The following GPNMB variants were observed in gnomAD, a reference collection of about 807,000 sequenced individuals.
GPNMB encodes glycoprotein nmb, also known as transmembrane glycoprotein NMB.
Under a neutral mutation model 57.3 loss-of-function variants are expected in GPNMB, and 71 were observed. The observed-to-expected ratio is 1.24, with a 90% confidence interval of 1.02 to 1.51. The LOEUF is 1.51. Ranked by LOEUF, GPNMB falls within the 40% of genes most tolerant of loss-of-function variation. GPNMB has a pLI of 0.00. For synonymous variants in GPNMB, 253 were observed against 263.2 expected (o/e 0.96, Z 0.38); for missense variants, 677 against 691.9 (o/e 0.98, Z 0.24).
chr7:23,246,973 G>T (rs1377921803), intron 1 of GPNMB, 46 bp downstream of exon 1: 1 of 1,357,284 alleles, frequency 7.4e-7, no homozygotes, highest in Non-Finnish European at 1.1e-6. Context: ...TCTGGCCATT[G>T]GCTGAAATGA....
At chr7:23,255,099 G>C (rs1782744845) in intron 3 of GPNMB, among the ~76,000 whole-genome samples, 2 of 152,114 alleles carry the variant, frequency 1.3e-5, no homozygotes, top group African/African-American at 4.8e-5. Context: ...GTTCACTGCA[G>C]TCTTTGCCTC....
At chr7:23,252,950 T>TG (rs1445594642) in intron 1 of GPNMB, among the ~76,000 whole-genome samples, 1 of 151,626 alleles carries the variant, frequency 6.6e-6, no homozygotes, top group Non-Finnish European at 1.5e-5. Flanking sequence ...TAGTTCAGAA[T>TG]GGGAAAAAAA....
At chr7:23,263,920 C>T (rs1232348715) in intron 6 of GPNMB, among the ~76,000 whole-genome samples, 3 of 151,822 alleles carry the variant, frequency 2.0e-5, no homozygotes, top group African/African-American at 2.4e-5. Context: ...AATGCACAGC[C>T]GAAAATAGAA....
chr7:23,254,197 T>C lies in GPNMB; in HGVS notation c.252T>C (p.Ser84=). 6.2e-7 allele frequency: 1 copy of C among 1,614,146 alleles called. No homozygotes were observed. Among genetic ancestry groups the C allele is most frequent in the Non-Finnish European group, 8.5e-7 (1 of 1,179,992 alleles). ...GCCGTGTGCAGGCGGTCCTGACCAG[T>C]GACTCACCAGCCCTCGTGGGCTCAA... ...KGGRVQAVLT[S]DSPALVGSNI... is the part of the protein sequence containing the mutation. The change falls in exon 3 of 11, where the codon AGT becomes AGC. Residue 84 remains serine (S), a synonymous_variant. Transcript: ENST00000258733.
chr7:23,270,698 C>T (rs1783183118), intron 9 of GPNMB, among the ~76,000 whole-genome samples: 1 of 152,194 alleles, frequency 6.6e-6, no homozygotes, highest in Non-Finnish European at 1.5e-5. Flanking sequence ...CATTACAGAA[C>T]ACAGTAAGAA....
At chr7:23,247,052 C>T in intron 1 of GPNMB, 125 bp downstream of exon 1, 1 of 739,328 alleles carries the variant, frequency 1.4e-6, no homozygotes, top group Non-Finnish European at 2.4e-6. Context: ...CTCTGGCTCA[C>T]TCATCTCTTC....
At chr7:23,263,137 TG>T (rs1298110980) in intron 6 of GPNMB, among the ~76,000 whole-genome samples, 1 of 152,190 alleles carries the variant, frequency 6.6e-6, no homozygotes, top group African/African-American at 2.4e-5. Context: ...AGTTCCAGAA[TG>T]GTAAAAGACT....
In GPNMB at chr7:23,260,149, TGA is replaced by T; in HGVS notation, c.700+12_700+13del. ...TGTACGTGGTAACAGGTGAGTGGTG[TGA>T]ACTCTAACTGAGGATGAGGCACTTC... On this transcript the variant is annotated intron_variant, in intron 5 of 10. Transcript: ENST00000258733. 6.2e-7 allele frequency: 1 copy of T among 1,613,244 alleles called. No homozygotes were observed. The highest frequency in any genetic ancestry group is 8.5e-7 in the Non-Finnish European group (1 of 1,179,266).
At position 23,272,431 on chromosome 7, in the gene GPNMB, C is replaced by G. The variant is rs76666854; in HGVS notation, c.1430-1090C>G. Among the ~76,000 whole-genome samples the G allele has an allele frequency of 7.1e-3, 1,076 of 151,742 alleles. 13 individuals are homozygous for G. The highest frequency in any genetic ancestry group is 0.025 in the African/African-American group (1,021 of 41,326). ...GATCCCTTGAGCCCAGAAGTCCAGC[C>G]TGGGCAGCACAGCAAAACCCTGTCT... On this transcript the variant is annotated intron_variant, in intron 9 of 10. Transcript: ENST00000258733.
intron 3 of GPNMB, among the ~76,000 whole-genome samples, chr7:23,256,488 G>A (rs1270412919): frequency 4.6e-5 from 7 of 152,132 alleles, no homozygotes; most frequent in African/African-American, 7.2e-5. Flanking sequence ...TTAGACATGT[G>A]TGCCGGAGTC....
rs1782724759 is a variant in GPNMB, at chr7:23,254,226, T to C, written c.281T>C (p.Ile94Thr). The C allele has an allele frequency of 6.2e-7, 1 of 1,614,020 alleles. No individual in the cohort carries two copies. Among genetic ancestry groups the C allele is most frequent in the Non-Finnish European group, 8.5e-7 (1 of 1,179,918 alleles). Residue 94 changes from isoleucine to threonine, a missense_variant, in exon 3 of 11, where the codon ATA (isoleucine) becomes ACA (threonine). Transcript: ENST00000258733. Reference sequence around the variant, plus strand: ...TCACCAGCCCTCGTGGGCTCAAATATAACATTTGCGGTGAACCTGATATTC... The same window carrying C: ...TCACCAGCCCTCGTGGGCTCAAATACAACATTTGCGGTGAACCTGATATTC... The part of the protein sequence containing the change: ...SDSPALVGSN[I>T]TFAVNLIFPR...
intron 3 of GPNMB, among the ~76,000 whole-genome samples, chr7:23,255,510 C>T (rs1488742937): frequency 6.6e-6 from 1 of 152,172 alleles, no homozygotes; most frequent in East Asian, 1.9e-4. Flanking sequence ...ACTGCTGCAA[C>T]ACAGGAATAC....
intron 3 of GPNMB, among the ~76,000 whole-genome samples, chr7:23,255,154 G>T (rs1371392847): frequency 6.6e-6 from 1 of 152,100 alleles, no homozygotes; most frequent in South Asian, 2.1e-4. Context: ...AAGTAGCTGG[G>T]ATTACAGGCA....
At chr7:23,248,965 G>A (rs1355612857) in intron 1 of GPNMB, among the ~76,000 whole-genome samples, 4 of 152,034 alleles carry the variant, frequency 2.6e-5, no homozygotes. Context: ...TGTATTTTTT[G>A]TAGAAATGGG....
intron 9 of GPNMB, among the ~76,000 whole-genome samples, chr7:23,272,186 T>G (rs1449349324): frequency 2.0e-5 from 3 of 152,264 alleles, no homozygotes; most frequent in Non-Finnish European, 4.4e-5. Context: ...CTTTAGAGTC[T>G]TAATTCATTC....
chr7:23,266,695 G>A (rs1783072302), intron 7 of GPNMB, 80 bp downstream of exon 7: 4 of 1,334,348 alleles, frequency 3.0e-6, no homozygotes, highest in African/African-American at 1.5e-5. Flanking sequence ...TAACTCTGAA[G>A]GGGTAGAGGT....
chr7:23,273,634 G>T lies in GPNMB; in HGVS notation c.1523+20G>T, dbSNP rs772043664. 6.6e-6 allele frequency: 9 copies of T among 1,363,552 alleles called. No individual in the cohort carries two copies. Among genetic ancestry groups the T allele is most frequent in the Non-Finnish European group, 8.4e-6 (8 of 951,342 alleles). The allele number at this position is 1,363,552 out of a possible 1,614,324, so 84.5% of individuals were successfully genotyped here. A position where few individuals can be genotyped will look rare whatever the true frequency, so the allele number is the denominator to read the frequency against. On this transcript the variant is annotated intron_variant, in intron 10 of 10. Coordinates refer to ENST00000258733, the MANE Select transcript of GPNMB (RefSeq NM_002510.3). The stretch of plus-strand genomic sequence containing the variant: ...GTACAAGTAAGTTTTTGGTTCCTAC[G>T]CTTTATATCACTATAGTGTATTGTC...
intron 6 of GPNMB, among the ~76,000 whole-genome samples, chr7:23,261,123 A>G (rs1782911970): frequency 1.3e-5 from 2 of 152,274 alleles, no homozygotes; most frequent in East Asian, 3.9e-4. Context: ...GAGAAGGCAC[A>G]CTGGCTCCTT....
intron 3 of GPNMB, 152 bp downstream of exon 3, chr7:23,254,464 C>A: frequency 3.3e-6 from 2 of 610,378 alleles, no homozygotes; most frequent in South Asian, 2.3e-5. Flanking sequence ...GTGGTCCTAC[C>A]CAGTGCCTTC....
Sources: allele counts gnomAD v4.1 joint callset (sites outside exome capture counted in the v4.1 genomes callset), GRCh38; gene constraint gnomAD v4.1.1; transcripts MANE v1.5; gene names NCBI Gene and HGNC (gene_info 2026-07-23, HGNC 2026-07-21).